Variants in CADM2 observed in about 807,000 individuals in gnomAD.
The protein encoded by CADM2 is cell adhesion molecule 2.
In CADM2, 12 loss-of-function variants were observed where a neutral mutation model predicts 49.8. That is an observed-to-expected ratio of 0.24 (90% confidence interval 0.15 to 0.39). The LOEUF (loss-of-function observed/expected upper bound fraction) is 0.39. Ranked by LOEUF, CADM2 falls within the 10% of genes least tolerant of loss-of-function variation. The pLI is 1.00. For missense variants in CADM2, 378 were observed against 492.3 expected (o/e 0.77, Z 2.20); for synonymous variants, 214 against 175.4 (o/e 1.22, Z -1.74).
intron 1 of CADM2, among the ~76,000 whole-genome samples, chr3:85,252,307 G>A (rs534648813): frequency 2.0e-5 from 3 of 151,910 alleles, no homozygotes; most frequent in East Asian, 1.9e-4. Flanking sequence ...AATCCCCAAG[G>A]CTCAAAATGA....
At chr3:85,646,454 A>T (rs1037303209) in intron 1 of CADM2, among the ~76,000 whole-genome samples, 3 of 152,024 alleles carry the variant, frequency 2.0e-5, no homozygotes, top group Non-Finnish European at 2.9e-5. Flanking sequence ...AAAAAGAAGT[A>T]TTCTGGTGCA....
At chr3:86,014,356 T>A (rs1731943300) in intron 8 of CADM2, 1 of 1,416,166 alleles carries the variant, frequency 7.1e-7, no homozygotes, top group African/African-American at 1.4e-5. Flanking sequence ...ACCTCTGATG[T>A]CTTATTTGCA....
intron 1 of CADM2, among the ~76,000 whole-genome samples, chr3:85,077,811 A>T (rs1474918428): frequency 6.6e-6 from 1 of 152,084 alleles, no homozygotes; most frequent in Non-Finnish European, 1.5e-5. Context: ...ACAGATTATT[A>T]TCTAATGAAA....
At chr3:85,347,570 AAT>A (rs1225803468) in intron 1 of CADM2, among the ~76,000 whole-genome samples, 1 of 135,818 alleles carries the variant, frequency 7.4e-6, no homozygotes, top group African/African-American at 2.9e-5. Flanking sequence ...CATATATATA[AAT>A]ATATATACAT....
chr3:85,801,574 T>C (rs186494747), intron 2 of CADM2, among the ~76,000 whole-genome samples: 3 of 152,266 alleles, frequency 2.0e-5, no homozygotes, highest in Admixed American at 6.5e-5. Flanking sequence ...TTATCAGAAA[T>C]TGAATCTAAA....
In CADM2 at chr3:86,072,987, G is replaced by A. The variant is rs1456888983; in HGVS notation, c.*6204G>A. The A allele has an allele frequency of 6.6e-6, 1 of 151,990 alleles. No homozygotes were observed. The highest frequency in any genetic ancestry group is 1.5e-5 in the Non-Finnish European group (1 of 67,944). 9.4% of individuals were successfully genotyped at this position (151,990 alleles called of 1,614,324 possible). A position where few individuals can be genotyped will look rare whatever the true frequency, so the allele number is the denominator to read the frequency against. ...TACTTATTGTAGATTCAATGACGCA[G>A]TTAAGTCATCACCCAAGGATTTATG... is the stretch of plus-strand genomic sequence containing the variant. On this transcript the variant is annotated 3_prime_UTR_variant, in exon 10 of 10. Coordinates refer to ENST00000383699, the MANE Select transcript of CADM2 (RefSeq NM_001167675.2).
intron 1 of CADM2, among the ~76,000 whole-genome samples, chr3:85,376,720 T>A (rs2033611797): frequency 6.6e-6 from 1 of 152,054 alleles, no homozygotes; most frequent in Admixed American, 6.6e-5. Flanking sequence ...CTATCCCATT[T>A]TAAATATCAA....
chr3:85,855,161 A>G (rs1279793241), intron 3 of CADM2, among the ~76,000 whole-genome samples: 1 of 151,988 alleles, frequency 6.6e-6, no homozygotes, highest in Non-Finnish European at 1.5e-5. Context: ...TTACCTTCCT[A>G]TCCCACTCAA....
intron 1 of CADM2, among the ~76,000 whole-genome samples, chr3:85,568,915 A>C: frequency 6.6e-6 from 1 of 151,830 alleles, no homozygotes; most frequent in East Asian, 1.9e-4. Context: ...TAAAGTTTGC[A>C]CTCCTCTCTG....
chr3:85,968,789 T>A (rs1340248845), intron 8 of CADM2, among the ~76,000 whole-genome samples: 1 of 151,632 alleles, frequency 6.6e-6, no homozygotes, highest in East Asian at 2.0e-4. Flanking sequence ...TTGTTACAGA[T>A]TTCAAGCAAT....
intron 1 of CADM2, among the ~76,000 whole-genome samples, chr3:85,322,272 G>A (rs763306813): frequency 5.3e-5 from 8 of 152,108 alleles, no homozygotes; most frequent in South Asian, 2.1e-4. Context: ...ATCTGTTTAC[G>A]GTAGCATGTC....
At chr3:85,755,109 G>C (rs118152687) in intron 2 of CADM2, among the ~76,000 whole-genome samples, 2 of 152,082 alleles carry the variant, frequency 1.3e-5, no homozygotes, top group African/African-American at 4.8e-5. Flanking sequence ...AGTTAGTGCA[G>C]TCCCACAAAT....
intron 1 of CADM2, among the ~76,000 whole-genome samples, chr3:85,622,028 A>G (rs2063993436): frequency 6.6e-6 from 1 of 152,228 alleles, no homozygotes; most frequent in Non-Finnish European, 1.5e-5. Flanking sequence ...AAATGTGTAT[A>G]CACAAAAACT....
chr3:85,160,616 C>T (rs1333926288), intron 1 of CADM2, among the ~76,000 whole-genome samples: 2 of 152,020 alleles, frequency 1.3e-5, no homozygotes, highest in Non-Finnish European at 2.9e-5. Flanking sequence ...AATAATTAGG[C>T]TATTTTCTTC....
intron 3 of CADM2, among the ~76,000 whole-genome samples, chr3:85,834,927 G>C (rs899085543): frequency 6.6e-6 from 1 of 151,580 alleles, no homozygotes; most frequent in Non-Finnish European, 1.5e-5. Flanking sequence ...AATCTAACTA[G>C]ATTAGCCAAG....
chr3:85,470,469 A>T (rs1297936534), intron 1 of CADM2, among the ~76,000 whole-genome samples: 1 of 152,202 alleles, frequency 6.6e-6, no homozygotes, highest in Non-Finnish European at 1.5e-5. Context: ...CAGGAATTAC[A>T]TAGGGTTTTA....
At chr3:85,523,974 G>T (rs2061094864) in intron 1 of CADM2, among the ~76,000 whole-genome samples, 1 of 152,066 alleles carries the variant, frequency 6.6e-6, no homozygotes, top group South Asian at 2.1e-4. Context: ...TTAAAATATT[G>T]TTAATTATTT....
intron 1 of CADM2, among the ~76,000 whole-genome samples, chr3:85,362,313 A>G (rs1440982685): frequency 6.6e-6 from 1 of 152,182 alleles, no homozygotes; most frequent in East Asian, 1.9e-4. Context: ...TCTTTTCTAC[A>G]TTTCTAGTCC....
intron 1 of CADM2, among the ~76,000 whole-genome samples, chr3:85,421,424 A>G (rs924452973): frequency 1.3e-5 from 2 of 152,182 alleles, no homozygotes; most frequent in Admixed American, 6.5e-5. Flanking sequence ...TTAATTATTT[A>G]ACGTGTAGAA....
Sources: allele counts gnomAD v4.1 joint callset (sites outside exome capture counted in the v4.1 genomes callset), GRCh38; gene constraint gnomAD v4.1.1; transcripts MANE v1.5; gene names NCBI Gene and HGNC (gene_info 2026-07-23, HGNC 2026-07-21).